MED12L: variants seen among roughly 807,000 people sequenced by gnomAD.
MED12L encodes mediator of RNA polymerase II transcription subunit 12-like protein.
Under a neutral mutation model 281.3 loss-of-function variants are expected in MED12L, and 60 were observed. The ratio of observed to expected loss-of-function variants is 0.21; its 90% CI spans 0.17 to 0.26. MED12L has a LOEUF of 0.26. Ranked by LOEUF, MED12L falls within the 10% of genes least tolerant of loss-of-function variation. The probability of loss-of-function intolerance (pLI) is 1.00; values close to 1 mark genes in which losing one functional copy is unlikely to be tolerated. For synonymous variants in MED12L, 974 were observed against 987.2 expected (o/e 0.99, Z 0.25); for missense variants, 2,146 against 2,680.9 (o/e 0.80, Z 4.41).
At chr3:151,191,985 T>C (rs935526190) in intron 14 of MED12L, among the ~76,000 whole-genome samples, 1 of 152,210 alleles carries the variant, frequency 6.6e-6, no homozygotes, top group Non-Finnish European at 1.5e-5. Flanking sequence ...TAGCTATACT[T>C]ACAATTAAAA....
intron 43 of MED12L, among the ~76,000 whole-genome samples, chr3:151,425,162 CGGT>C (rs1718736307): frequency 1.3e-5 from 2 of 152,270 alleles, no homozygotes; most frequent in African/African-American, 4.8e-5. Flanking sequence ...ATCTGAGCAT[CGGT>C]AGGTCCATTA....
At chr3:151,212,374 T>G (rs1465386357) in intron 16 of MED12L, 2 of 152,218 alleles carry the variant, frequency 1.3e-5, no homozygotes, top group African/African-American at 4.8e-5. Flanking sequence ...TTGCACTCAT[T>G]AATGTAAATT....
At chr3:151,224,554 C>G (rs1229799809) in intron 16 of MED12L, among the ~76,000 whole-genome samples, 1 of 151,722 alleles carries the variant, frequency 6.6e-6, no homozygotes, top group African/African-American at 2.4e-5. Flanking sequence ...AAATAATTTA[C>G]AAATAACTGT....
chr3:151,141,908 A>G (rs1402255609), intron 5 of MED12L, among the ~76,000 whole-genome samples: 1 of 152,196 alleles, frequency 6.6e-6, no homozygotes, highest in Non-Finnish European at 1.5e-5. Flanking sequence ...GTCCTAGTAA[A>G]TGTTCACTCC....
At chr3:151,241,841 G>GA (rs1365674136) in intron 16 of MED12L, 1 of 154,576 alleles carries the variant, frequency 6.5e-6, no homozygotes, top group East Asian at 1.9e-4. Flanking sequence ...CGACGCAGAA[G>GA]ACGGTGATTT....
intron 38 of MED12L, among the ~76,000 whole-genome samples, chr3:151,393,575 C>G (rs569080893): frequency 6.1e-5 from 9 of 147,222 alleles, no homozygotes; most frequent in African/African-American, 2.2e-4. Flanking sequence ...CAAGGAATTT[C>G]CTTGTGAGCA....
chr3:151,278,894 A>T (rs1385237581), intron 16 of MED12L, among the ~76,000 whole-genome samples: 4 of 152,186 alleles, frequency 2.6e-5, no homozygotes, highest in African/African-American at 9.7e-5. Flanking sequence ...TTTTTCCCAC[A>T]TTAATTTTCC....
chr3:151,376,906 G>A (rs1199485780), intron 29 of MED12L, 32 bp downstream of exon 29: 1 of 1,612,230 alleles, frequency 6.2e-7, no homozygotes, highest in Non-Finnish European at 8.5e-7. Context: ...ATCTCTGTAT[G>A]AAATTTTATA....
chr3:151,250,154 C>T (rs1238951639), intron 16 of MED12L, among the ~76,000 whole-genome samples: 1 of 152,122 alleles, frequency 6.6e-6, no homozygotes, highest in Non-Finnish European at 1.5e-5. Flanking sequence ...TAATCTAGTC[C>T]ACTCTGCCTT....
intron 2 of MED12L, among the ~76,000 whole-genome samples, chr3:151,094,845 A>G (rs1720507192): frequency 6.6e-6 from 1 of 152,338 alleles, no homozygotes; most frequent in African/African-American, 2.4e-5. Context: ...AATAATTATT[A>G]AGTAACTTTG....
intron 16 of MED12L, among the ~76,000 whole-genome samples, chr3:151,257,992 G>T (rs1248721393): frequency 3.3e-5 from 5 of 151,956 alleles, no homozygotes; most frequent in Non-Finnish European, 7.4e-5. Context: ...AATTTGTTTT[G>T]GCCACAAGTT....
At chr3:151,131,927 A>G (rs888898940) in intron 5 of MED12L, among the ~76,000 whole-genome samples, 1 of 152,200 alleles carries the variant, frequency 6.6e-6, no homozygotes, top group African/African-American at 2.4e-5. Flanking sequence ...TATTAGGTTT[A>G]GTCACTAGCT....
At chr3:151,096,659 G>A (rs74453388) in intron 2 of MED12L, among the ~76,000 whole-genome samples, 2 of 152,174 alleles carry the variant, frequency 1.3e-5, no homozygotes, top group Non-Finnish European at 2.9e-5. Context: ...GCTATTTTGG[G>A]GGGGGAAGCC....
intron 42 of MED12L, among the ~76,000 whole-genome samples, chr3:151,415,357 AG>A (rs1413296645): frequency 6.6e-6 from 1 of 152,202 alleles, no homozygotes; most frequent in Non-Finnish European, 1.5e-5. Flanking sequence ...AATTTTTCTT[AG>A]AAGAGGTTCT....
chr3:151,385,496 T>G (rs1713173442), intron 36 of MED12L, among the ~76,000 whole-genome samples: 1 of 152,150 alleles, frequency 6.6e-6, no homozygotes, highest in Non-Finnish European at 1.5e-5. Context: ...CATAAATAAG[T>G]TCTGATTATA....
chr3:151,201,016 T>G lies in MED12L; in HGVS notation c.2250+7350T>G, dbSNP rs942167870. 4.6e-5 allele frequency: 7 copies of G among 152,274 alleles called. No individual in the cohort carries two copies. In the South Asian group the frequency reaches 1.5e-3, roughly 32 times the overall value. 9.4% of individuals were successfully genotyped at this position (152,274 alleles called of 1,614,324 possible). ...CAAAACACTGCCTCAGTAACAATAG[T>G]AAGATGATGATAGAAATGATAATGA... On this transcript the variant is annotated intron_variant, in intron 16 of 44. Coordinates refer to ENST00000687756, the MANE Select transcript of MED12L (RefSeq NM_001393769.1).
chr3:151,368,777 T>C lies in MED12L; in HGVS notation c.3550+526T>C, dbSNP rs556223526. Reference sequence around the variant, plus strand: ...GTCATTTCATTTTTTTTTTTTTTTTTCCAAGACAAAGTCTTACTGTGTCAC... The same window carrying C: ...GTCATTTCATTTTTTTTTTTTTTTTCCCAAGACAAAGTCTTACTGTGTCAC... On this transcript the variant is annotated intron_variant, in intron 25 of 44. Coordinates refer to ENST00000687756, the MANE Select transcript of MED12L (RefSeq NM_001393769.1). Among the ~76,000 whole-genome samples, 235 of 146,306 alleles carry C rather than the reference T, an allele frequency of 1.6e-3. 2 individuals carry two copies. Among genetic ancestry groups the C allele is most frequent in the African/African-American group, 5.5e-3 (218 of 39,562 alleles).
chr3:151,114,027 C>T (rs2148723049), intron 2 of MED12L, among the ~76,000 whole-genome samples: 2 of 152,302 alleles, frequency 1.3e-5, no homozygotes, highest in South Asian at 4.1e-4. Flanking sequence ...TCAGTTTTCT[C>T]ATCCTACTTT....
At chr3:151,300,393 TG>T (rs1745739387) in intron 16 of MED12L, among the ~76,000 whole-genome samples, 1 of 152,214 alleles carries the variant, frequency 6.6e-6, no homozygotes, top group Admixed American at 6.5e-5. Context: ...TGGGTGACTT[TG>T]GCTACATACC....
Sources: gnomAD v4.1 joint callset for allele counts (sites outside exome capture counted in the v4.1 genomes callset) on GRCh38, gnomAD v4.1.1 for gene constraint, MANE v1.5 for transcripts, NCBI Gene and HGNC (gene_info 2026-07-23, HGNC 2026-07-21) for gene names.